SH3RF3: variants seen among roughly 807,000 people sequenced by gnomAD.
The protein encoded by SH3RF3 is SH3 domain containing ring finger 3.
In SH3RF3, 29 loss-of-function variants were observed where a neutral mutation model predicts 66.3. The ratio of observed to expected loss-of-function variants is 0.44; its 90% CI spans 0.33 to 0.60. SH3RF3 has a LOEUF of 0.60. Among genes scored for constraint, SH3RF3 ranks in the 20% least tolerant of loss-of-function variants. SH3RF3 has a pLI of 0.04. For synonymous variants in SH3RF3, 583 were observed against 532.0 expected (o/e 1.10, Z -1.32); for missense variants, 1,194 against 1,190.9 (o/e 1.00, Z -0.04).
In SH3RF3 at chr2:109,490,793, G is replaced by T; in HGVS notation, c.2337G>T (p.Glu779Asp). 1 of 1,536,978 alleles carries T rather than the reference G, an allele frequency of 6.5e-7. No homozygotes were observed. Among genetic ancestry groups the T allele is most frequent in the Non-Finnish European group, 8.7e-7 (1 of 1,146,812 alleles). The change falls in exon 9 of 10, where the codon GAG (glutamate) becomes GAT (aspartate). Residue 779 changes from glutamate (E) to aspartate (D), a missense_variant. Physicochemically the swap from Glu to Asp is conservative, Grantham distance 45 (BLOSUM62 2). Transcript: ENST00000309415. ...IHGRAGSCPI[E>D]SEMQGAMGME... is the part of the protein sequence containing the mutation. ...GCAGGGCAGGGTCCTGCCCCATAGAGAGCGAGATGCAGGGTGCCATGGGGA... is the reference window on the plus strand; with the variant it reads ...GCAGGGCAGGGTCCTGCCCCATAGATAGCGAGATGCAGGGTGCCATGGGGA...
intron 8 of SH3RF3, among the ~76,000 whole-genome samples, chr2:109,474,276 A>T (rs967705118): frequency 2.6e-5 from 4 of 152,128 alleles, no homozygotes; most frequent in Non-Finnish European, 4.4e-5. Context: ...TGGGAGAAAG[A>T]GCTGAAGTTT....
intron 1 of SH3RF3, among the ~76,000 whole-genome samples, chr2:109,297,064 C>T (rs1681329313): frequency 6.6e-6 from 1 of 152,008 alleles, no homozygotes; most frequent in Non-Finnish European, 1.5e-5. Flanking sequence ...AACTAGACTG[C>T]AGCTGTTGGT....
At chr2:109,248,196 A>G (rs1679967079) in intron 1 of SH3RF3, among the ~76,000 whole-genome samples, 2 of 152,118 alleles carry the variant, frequency 1.3e-5, no homozygotes, top group Non-Finnish European at 2.9e-5. Flanking sequence ...TAATTCTTTC[A>G]TTGCTATATA....
chr2:109,176,524 G>A (rs1219517576), intron 1 of SH3RF3, among the ~76,000 whole-genome samples: 1 of 152,090 alleles, frequency 6.6e-6, no homozygotes, highest in Non-Finnish European at 1.5e-5. Flanking sequence ...TTCAGTCCAG[G>A]GGTTCAAGAT....
rs970917193 is a variant in SH3RF3 at position 109,397,283 on chromosome 2, A to G, written c.946-1307A>G. Reference sequence around the variant, plus strand: ...GAGATCTGCCCAGAGGGCAGCTGGCATTTACTCAGTTTTTTTCTGCTACTT... The same window carrying G: ...GAGATCTGCCCAGAGGGCAGCTGGCGTTTACTCAGTTTTTTTCTGCTACTT... On this transcript the variant is annotated intron_variant, in intron 3 of 9. Coordinates refer to ENST00000309415, the MANE Select transcript of SH3RF3 (RefSeq NM_001099289.3). 1.0e-4 allele frequency among the ~76,000 whole-genome samples: 15 copies of G among 148,488 alleles called. No individual in the cohort carries two copies. In the East Asian group the frequency reaches 2.9e-3, roughly 29 times the overall value.
intron 6 of SH3RF3, among the ~76,000 whole-genome samples, chr2:109,436,126 A>G (rs1677391502): frequency 1.3e-5 from 2 of 152,208 alleles, no homozygotes; most frequent in South Asian, 4.1e-4. Flanking sequence ...TGTGTCTTGA[A>G]ATAAGATCCT....
intron 2 of SH3RF3, among the ~76,000 whole-genome samples, chr2:109,371,002 AAAT>A (rs2105679641): frequency 6.6e-6 from 1 of 152,364 alleles, no homozygotes; most frequent in East Asian, 1.9e-4. Flanking sequence ...TTCATTAAAT[AAAT>A]AATAGGAGTT....
At chr2:109,450,360 A>T (rs969921460) in intron 8 of SH3RF3, among the ~76,000 whole-genome samples, 1 of 111,870 alleles carries the variant, frequency 8.9e-6, no homozygotes, top group African/African-American at 2.6e-5. Context: ...AAAAAAAAAG[A>T]AAAAGAAAGA....
At chr2:109,318,820 T>C (rs1178991963) in intron 1 of SH3RF3, among the ~76,000 whole-genome samples, 1 of 152,312 alleles carries the variant, frequency 6.6e-6, no homozygotes, top group South Asian at 2.1e-4. Context: ...ACCCATCCAC[T>C]CAGAGGCAGA....
intron 3 of SH3RF3, among the ~76,000 whole-genome samples, chr2:109,381,375 G>T (rs1396887414): frequency 1.3e-5 from 2 of 152,170 alleles, no homozygotes; most frequent in Non-Finnish European, 2.9e-5. Flanking sequence ...TCAATGGCGG[G>T]GTTACTTTTA....
At chr2:109,265,108 G>A (rs1229891623) in intron 1 of SH3RF3, among the ~76,000 whole-genome samples, 1 of 152,170 alleles carries the variant, frequency 6.6e-6, no homozygotes, top group Non-Finnish European at 1.5e-5. Flanking sequence ...CCCACTTGAG[G>A]CGTTGCGAAA....
intron 1 of SH3RF3, among the ~76,000 whole-genome samples, chr2:109,302,787 G>A (rs893377008): frequency 6.6e-6 from 1 of 152,302 alleles, no homozygotes; most frequent in Middle Eastern, 3.4e-3. Flanking sequence ...GCTGAAATAA[G>A]TTAAATAAGG....
chr2:109,378,958 C>A (rs1046367022), intron 3 of SH3RF3, among the ~76,000 whole-genome samples: 1 of 152,294 alleles, frequency 6.6e-6, no homozygotes, highest in East Asian at 1.9e-4. Flanking sequence ...CTCTACAGCT[C>A]CCTCCTCTCC....
intron 2 of SH3RF3, among the ~76,000 whole-genome samples, chr2:109,364,632 T>C (rs942965987): frequency 1.3e-5 from 2 of 152,244 alleles, no homozygotes; most frequent in African/African-American, 2.4e-5. Context: ...AAATGTTCTA[T>C]AGTCCTGGGA....
rs571816014 is a variant in SH3RF3, at chr2:109,487,011, A to G, written c.2149-3594A>G. 3.9e-5 allele frequency among the ~76,000 whole-genome samples: 6 copies of G among 152,296 alleles called. No individual in the cohort carries two copies. In the South Asian group the frequency reaches 1.2e-3, roughly 32 times the overall value. ...ATTGGAATGGAAAGTGATCCCCCCA[A>G]CAGAGAGGAGTGCAGGCCACAGATG... On this transcript the variant is annotated intron_variant, in intron 8 of 9. Coordinates refer to ENST00000309415, the MANE Select transcript of SH3RF3 (RefSeq NM_001099289.3).
intron 3 of SH3RF3, among the ~76,000 whole-genome samples, chr2:109,396,173 C>T (rs1456431193): frequency 1.3e-5 from 2 of 152,218 alleles, no homozygotes; most frequent in African/African-American, 4.8e-5. Flanking sequence ...AGAAAGCTGG[C>T]TCCCAGGTAT....
intron 7 of SH3RF3, among the ~76,000 whole-genome samples, chr2:109,440,213 C>T (rs1233153930): frequency 6.6e-6 from 1 of 151,484 alleles, no homozygotes; most frequent in Non-Finnish European, 1.5e-5. Flanking sequence ...CAGAGGCATA[C>T]TGTCCTTTAA....
intron 2 of SH3RF3, among the ~76,000 whole-genome samples, chr2:109,369,191 A>T (rs1024497271): frequency 6.6e-6 from 1 of 151,806 alleles, no homozygotes; most frequent in African/African-American, 2.4e-5. Flanking sequence ...TAAAAAAAAA[A>T]AAAAAAATTA....
chr2:109,187,230 A>G (rs908688806), intron 1 of SH3RF3, among the ~76,000 whole-genome samples: 2 of 152,214 alleles, frequency 1.3e-5, no homozygotes, highest in Non-Finnish European at 2.9e-5. Context: ...GTTGAGTTTT[A>G]AAATCTACTT....
Sources: allele counts gnomAD v4.1 joint callset (sites outside exome capture counted in the v4.1 genomes callset), GRCh38; gene constraint gnomAD v4.1.1; transcripts MANE v1.5; gene names NCBI Gene and HGNC (gene_info 2026-07-23, HGNC 2026-07-21).